Variants in PGCKA1 observed in about 807,000 individuals in gnomAD.
The protein encoded by PGCKA1 is PDCD10 and GCKIII kinases-associated protein 1.
chr4:37,547,321 C>G, the PGCKA1 span, among the ~76,000 whole-genome samples: 2 of 152,152 alleles, frequency 1.3e-5, no homozygotes, highest in African/African-American at 4.8e-5. Context: ...TCTGGATACT[C>G]TGATTTTGGT....
chr4:37,523,726 C>T, the PGCKA1 span, among the ~76,000 whole-genome samples: 2 of 152,300 alleles, frequency 1.3e-5, no homozygotes, highest in East Asian at 3.9e-4. Context: ...TAGCAAGTTA[C>T]CATAGACTAG....
the PGCKA1 span, among the ~76,000 whole-genome samples, chr4:37,578,430 A>C: frequency 6.6e-6 from 1 of 152,102 alleles, no homozygotes; most frequent in African/African-American, 2.4e-5. Context: ...TTTTCAGTCT[A>C]TGTGTGTCTT....
the PGCKA1 span, among the ~76,000 whole-genome samples, chr4:37,478,434 T>C: frequency 6.6e-6 from 1 of 152,012 alleles, no homozygotes; most frequent in East Asian, 1.9e-4. Context: ...TAGTAGCCTA[T>C]TCTTTGTTAG....
the PGCKA1 span, among the ~76,000 whole-genome samples, chr4:37,580,382 C>T: frequency 6.7e-6 from 1 of 148,224 alleles, no homozygotes; most frequent in Non-Finnish European, 1.5e-5. Context: ...TTAGGTATTC[C>T]TCATAGTCTT....
chr4:37,582,923 A>C, the PGCKA1 span, among the ~76,000 whole-genome samples: 7 of 152,204 alleles, frequency 4.6e-5, no homozygotes, highest in African/African-American at 9.7e-5. Context: ...TATTATTATG[A>C]TGGCTATCAA....
the PGCKA1 span, among the ~76,000 whole-genome samples, chr4:37,582,047 C>T: frequency 7.9e-5 from 12 of 152,300 alleles, no homozygotes; most frequent in South Asian, 2.5e-3. Flanking sequence ...TAGGGCAGCA[C>T]TGAGTTCAAA....
At chr4:37,576,605 T>C in the PGCKA1 span, among the ~76,000 whole-genome samples, 3 of 152,276 alleles carry the variant, frequency 2.0e-5, no homozygotes, top group African/African-American at 7.2e-5. Context: ...AGCTAGGACT[T>C]CTAGTACTAT....
the PGCKA1 span, chr4:37,460,744 C>G: frequency 6.0e-6 from 2 of 334,282 alleles, no homozygotes; most frequent in Non-Finnish European, 1.2e-5. Flanking sequence ...AGACCTTTGT[C>G]AGGTGGGTAG....
chr4:37,521,509 T>C, the PGCKA1 span, among the ~76,000 whole-genome samples: 1 of 152,242 alleles, frequency 6.6e-6, no homozygotes, highest in Non-Finnish European at 1.5e-5. Context: ...ATTGCTCTTG[T>C]TATTCATTTC....
At chr4:37,497,295 C>CATATATATAT in the PGCKA1 span, among the ~76,000 whole-genome samples, 4 of 151,614 alleles carry the variant, frequency 2.6e-5, no homozygotes, top group African/African-American at 9.7e-5. Context: ...ACTATTCCAT[C>CATATATATAT]ATATATATAT....
the PGCKA1 span, among the ~76,000 whole-genome samples, chr4:37,464,383 A>G: frequency 6.6e-6 from 1 of 152,150 alleles, no homozygotes; most frequent in African/African-American, 2.4e-5. Flanking sequence ...CATCTGTAAA[A>G]CTGGGACGCT....
chr4:37,572,063 CTTTTTTTTTT>C, the PGCKA1 span, among the ~76,000 whole-genome samples: 2 of 89,972 alleles, frequency 2.2e-5, no homozygotes, highest in African/African-American at 4.9e-5. Flanking sequence ...TTTTTTTTTT[CTTTTTTTTTT>C]TTTTTTTGAG....
chr4:37,561,088 C>A, the PGCKA1 span, among the ~76,000 whole-genome samples: 1 of 152,188 alleles, frequency 6.6e-6, no homozygotes, highest in Admixed American at 6.5e-5. Flanking sequence ...TTCCCACCAA[C>A]AACCTCCTTG....
the PGCKA1 span, chr4:37,590,962 G>A: frequency 6.2e-7 from 1 of 1,613,546 alleles, no homozygotes; most frequent in Non-Finnish European, 8.5e-7. Flanking sequence ...AGCTTTAGAA[G>A]CTGCTACTGC....
At chr4:37,544,025 C>T in the PGCKA1 span, among the ~76,000 whole-genome samples, 3 of 152,160 alleles carry the variant, frequency 2.0e-5, no homozygotes, top group African/African-American at 4.8e-5. Context: ...TTTACTCCCT[C>T]ACTTGTTTTT....
chr4:37,590,317 G>A, the PGCKA1 span: 2 of 1,613,814 alleles, frequency 1.2e-6, no homozygotes, highest in African/African-American at 1.3e-5. Context: ...CCCACAGGGG[G>A]ACGCTGGAGG....
the PGCKA1 span, among the ~76,000 whole-genome samples, chr4:37,526,014 A>G: frequency 6.6e-6 from 1 of 152,304 alleles, no homozygotes; most frequent in Non-Finnish European, 1.5e-5. Flanking sequence ...CAAGGGTTTA[A>G]TAAACAAAAA....
chr4:37,483,161 C>T, the PGCKA1 span, among the ~76,000 whole-genome samples: 1 of 152,168 alleles, frequency 6.6e-6, no homozygotes, highest in South Asian at 2.1e-4. Flanking sequence ...CTTCCCCCTT[C>T]ACTTGGCTCT....
At chr4:37,552,322 T>A in the PGCKA1 span, among the ~76,000 whole-genome samples, 1 of 152,230 alleles carries the variant, frequency 6.6e-6, no homozygotes, top group African/African-American at 2.4e-5. Context: ...TCTTTAGTGT[T>A]GTGAGCCCTT....
Sources: allele counts gnomAD v4.1 joint callset (sites outside exome capture counted in the v4.1 genomes callset), GRCh38; gene constraint gnomAD v4.1.1; transcripts MANE v1.5; gene names NCBI Gene and HGNC (gene_info 2026-07-23, HGNC 2026-07-21).